Variants in ANKRD28 observed in about 807,000 individuals in gnomAD.
The protein encoded by ANKRD28 is ankyrin repeat domain 28.
ANKRD28 carries 44 observed loss-of-function variants against 126.5 expected under a neutral mutation model. The observed-to-expected ratio is 0.35, with a 90% CI of 0.27 to 0.45. ANKRD28 has a LOEUF of 0.45. Among genes scored for constraint, ANKRD28 ranks in the 20% least tolerant of loss-of-function variants. The probability of loss-of-function intolerance (pLI) is 1.00; values close to 1 mark genes in which losing one functional copy is unlikely to be tolerated. For synonymous variants in ANKRD28, 442 were observed against 468.5 expected (o/e 0.94, Z 0.73); for missense variants, 1,110 against 1,316.6 (o/e 0.84, Z 2.43).
In ANKRD28 at chr3:15,814,098, G is replaced by T; in HGVS notation, c.28-18792C>A. On this transcript the variant is annotated intron_variant, in intron 1 of 27. Transcript: ENST00000399451. The surrounding 1 kb of genome is among the most constrained non-coding windows in gnomAD (Gnocchi z 4.7). The stretch of plus-strand genomic sequence containing the variant: ...CTACTATAAATGTTTCTACAATAAA[G>T]GACTTTTTGGCTGACACTAACTATT... 1 of 221,296 alleles carries T rather than the reference G, an allele frequency of 4.5e-6. No homozygotes were observed. The highest frequency in any genetic ancestry group is 8.3e-6 in the Non-Finnish European group (1 of 119,946). The allele number at this position is 221,296 out of a possible 1,614,324, so 13.7% of individuals were successfully genotyped here.
intron 2 of ANKRD28, among the ~76,000 whole-genome samples, chr3:15,787,509 G>T (rs1040085487): frequency 1.3e-5 from 2 of 152,248 alleles, no homozygotes; most frequent in African/African-American, 4.8e-5. Context: ...TTCACTCCAC[G>T]TTCCATACAA....
intron 6 of ANKRD28, among the ~76,000 whole-genome samples, chr3:15,727,824 T>C (rs2074291239): frequency 6.6e-6 from 1 of 151,978 alleles, no homozygotes; most frequent in Admixed American, 6.6e-5. Context: ...AGATGAGGGG[T>C]TGCTTCTTAT....
chr3:15,696,162 G>A lies in ANKRD28; in HGVS notation c.1631C>T (p.Ala544Val), dbSNP rs200285106. 3.3e-5 allele frequency: 52 copies of A among 1,589,948 alleles called. No homozygotes were observed. The highest frequency in any genetic ancestry group is 1.7e-4 in the Middle Eastern group (1 of 6,050). ...CTGAAGACATAGACGGTGACCATAA[G>A]CAGCTGAATAATGAACTGCGTTGTA... ...QGYNAVHYSA[A>V]YGHRLCLQLI... The change falls in exon 15 of 28, where the codon GCT becomes GTT. Residue 544 changes from alanine (A) to valine (V), a missense_variant. By Grantham distance (64) the Ala-to-Val change is moderately conservative. Transcript: ENST00000683139.
In ANKRD28 at chr3:15,677,028, A is replaced by G; in HGVS notation, c.2819T>C (p.Leu940Pro). ...GAGGTTTCTATCTGTTATCTTTTCC[A>G]GTATTAACAAGGCACTAGTTTCATG... Reference protein sequence around the residue: ...KGHETSALLILEKITDRNLIN... With the variant: ...KGHETSALLIPEKITDRNLIN... The change falls in exon 26 of 28, where the codon CTG becomes CCG. Residue 940 changes from leucine (L) to proline (P), a missense_variant. Coordinates refer to ENST00000683139, the MANE Select transcript of ANKRD28 (RefSeq NM_001349278.2). 1 of 1,613,350 alleles carries G rather than the reference A, an allele frequency of 6.2e-7. No homozygotes were observed. Among genetic ancestry groups the G allele is most frequent in the Non-Finnish European group, 8.5e-7 (1 of 1,179,562 alleles).
intron 4 of ANKRD28, among the ~76,000 whole-genome samples, chr3:15,742,128 G>A (rs977297515): frequency 3.9e-5 from 6 of 152,216 alleles, no homozygotes; most frequent in Non-Finnish European, 8.8e-5. Context: ...CTCCCAAAGT[G>A]CCAAGATTAC....
intron 17 of ANKRD28, 70 bp from the exon 18 acceptor site, chr3:15,690,290 T>C: frequency 2.4e-6 from 3 of 1,268,900 alleles, no homozygotes; most frequent in Non-Finnish European, 3.2e-6. Context: ...CTTGAATAAA[T>C]GTAAATAAGC....
chr3:15,850,263 A>AGAGAGAGAGAGAAAGAG (rs1282754856), intron 1 of ANKRD28, among the ~76,000 whole-genome samples: 1 of 139,718 alleles, frequency 7.2e-6, no homozygotes, highest in East Asian at 2.0e-4. Flanking sequence ...AGAGAGAGAG[A>AGAGAGAGAGAGAAAGAG]AAGTTGAAAT....
Position 15,690,201 on chromosome 3 carries a change from T to C in ANKRD28, c.1781A>G (p.Gln594Arg). The C allele has an allele frequency of 6.2e-7, 1 of 1,603,202 alleles. No homozygotes were observed. The highest frequency in any genetic ancestry group is 8.5e-7 in the Non-Finnish European group (1 of 1,174,304). The change falls in exon 18 of 28, where the codon CAA becomes CGA. Residue 594 changes from glutamine to arginine, a missense_variant. By Grantham distance (43) the Gln-to-Arg change is conservative. Coordinates refer to ENST00000683139, the MANE Select transcript of ANKRD28 (RefSeq NM_001349278.2). ...LHLAAYHGHHQALEVLVQSLL... is the reference protein window; with the variant it reads ...LHLAAYHGHHRALEVLVQSLL... The stretch of plus-strand genomic sequence containing the variant: ...AGACTGTACCAACACTTCCAGTGCT[T>C]GATGGTGACCATGATAGGCCTAGAA...
chr3:15,744,608 C>T (rs766374066), intron 4 of ANKRD28, among the ~76,000 whole-genome samples: 15 of 152,102 alleles, frequency 9.9e-5, no homozygotes, highest in East Asian at 1.9e-4. Context: ...TGAGCCACCG[C>T]GCCTGGCCAA....
chr3:15,713,655 C>A lies in ANKRD28; in HGVS notation c.1076-14G>T. 6.4e-7 allele frequency: 1 copy of A among 1,555,950 alleles called. No individual in the cohort carries two copies. The stretch of plus-strand genomic sequence containing the variant: ...CGATTACAGCTCCTGCAATATAGGA[C>A]TTACTGTCAGACACTGGACCATATA... On this transcript the variant is annotated splice_polypyrimidine_tract_variant and intron_variant, in intron 9 of 27. Transcript: ENST00000683139.
chr3:15,821,651 T>C (rs936448903), intron 1 of ANKRD28, among the ~76,000 whole-genome samples: 6 of 152,178 alleles, frequency 3.9e-5, no homozygotes, highest in Non-Finnish European at 8.8e-5. Context: ...CAGAGGAACA[T>C]GTAATGAAGA....
Position 15,690,398 on chromosome 3 carries a change from G to T in ANKRD28, c.1762-178C>A, listed in dbSNP as rs144213579. ...ACAGATCTTTCTAATAATCAACATA[G>T]TAGGCTACTGTGTTAGGGAACAGGC... On this transcript the variant is annotated intron_variant, in intron 17 of 27. Transcript: ENST00000683139. 4.3e-3 allele frequency among the ~76,000 whole-genome samples: 662 copies of T among 152,228 alleles called. 8 individuals carry two copies. Among genetic ancestry groups the T allele is most frequent in the African/African-American group, 0.014 (594 of 41,542 alleles).
At position 15,761,762 on chromosome 3, in the gene ANKRD28, G is replaced by A. The variant is rs112401802; in HGVS notation, c.280+4472C>T. The stretch of plus-strand genomic sequence containing the variant: ...TTCTAAAATGTGTAGTATATCTTCT[G>A]TAAAACTGTCCTAATCAACTTTCAA... On this transcript the variant is annotated intron_variant, in intron 3 of 27. Coordinates refer to ENST00000683139, the MANE Select transcript of ANKRD28 (RefSeq NM_001349278.2). 2.1e-3 allele frequency among the ~76,000 whole-genome samples: 320 copies of A among 152,228 alleles called. 2 individuals carry two copies. Among genetic ancestry groups the A allele is most frequent in the Middle Eastern group, 0.01 (3 of 294 alleles).
At chr3:15,809,145 C>T (rs967294514) in intron 1 of ANKRD28, among the ~76,000 whole-genome samples, 2 of 152,206 alleles carry the variant, frequency 1.3e-5, no homozygotes, top group Admixed American at 6.5e-5. Flanking sequence ...AGTAGCCCAA[C>T]ACACAGTAGC....
At chr3:15,702,143 G>C (rs1406367700) in intron 14 of ANKRD28, among the ~76,000 whole-genome samples, 2 of 152,190 alleles carry the variant, frequency 1.3e-5, no homozygotes, top group Admixed American at 1.3e-4. Context: ...CTGACACTAA[G>C]TTAAATGACT....
At chr3:15,786,720 A>T (rs1156265038) in intron 2 of ANKRD28, among the ~76,000 whole-genome samples, 3 of 152,134 alleles carry the variant, frequency 2.0e-5, no homozygotes, top group Admixed American at 1.3e-4. Flanking sequence ...TTTAGGACAT[A>T]ATTTATCATA....
chr3:15,761,038 C>A, intron 3 of ANKRD28, among the ~76,000 whole-genome samples: 1 of 152,120 alleles, frequency 6.6e-6, no homozygotes, highest in Non-Finnish European at 1.5e-5. Context: ...AAAATAATCT[C>A]AATCTTTCTA....
intron 3 of ANKRD28, chr3:15,756,417 A>C (rs2058158661): frequency 2.5e-6 from 2 of 810,150 alleles, no homozygotes; most frequent in Non-Finnish European, 3.0e-6. Context: ...TAAATCTAGA[A>C]TTAAATGTCT....
chr3:15,762,285 T>G (rs2058529100), intron 3 of ANKRD28, among the ~76,000 whole-genome samples: 1 of 151,132 alleles, frequency 6.6e-6, no homozygotes, highest in African/African-American at 2.4e-5. Flanking sequence ...TAAAAGGCTA[T>G]GGGAGTTATC....
Sources: allele counts gnomAD v4.1 joint callset (sites outside exome capture counted in the v4.1 genomes callset), GRCh38; gene constraint gnomAD v4.1.1; non-coding constraint Gnocchi (gnomAD v3.1); transcripts MANE v1.5; gene names NCBI Gene and HGNC (gene_info 2026-07-23, HGNC 2026-07-21).